Variants in NRXN3 observed in about 807,000 individuals in gnomAD.
NRXN3 encodes the protein neurexin III.
Under a neutral mutation model 137.6 loss-of-function variants are expected in NRXN3, and 32 were observed. The observed-to-expected ratio is 0.23, with a 90% CI of 0.18 to 0.31. The LOEUF (loss-of-function observed/expected upper bound fraction) is 0.31, where lower values mean the gene tolerates loss of function less well. Ranked by LOEUF, NRXN3 falls within the 10% of genes least tolerant of loss-of-function variation. NRXN3 has a pLI of 1.00. For missense variants in NRXN3, 1,574 were observed against 2,062.5 expected, an observed-to-expected ratio of 0.76 and a Z score of 4.59; for synonymous variants, 798 against 784.5, an observed-to-expected ratio of 1.02 and a Z score of -0.29.
chr14:79,651,614 T>G (rs1484373982), intron 16 of NRXN3, among the ~76,000 whole-genome samples: 2 of 152,068 alleles, frequency 1.3e-5, no homozygotes, highest in Non-Finnish European at 2.9e-5. Flanking sequence ...GAATAGATAA[T>G]GGAGAGATTG....
chr14:78,752,417 A>G (rs2098647419), intron 8 of NRXN3, among the ~76,000 whole-genome samples: 1 of 152,182 alleles, frequency 6.6e-6, no homozygotes, highest in African/African-American at 2.4e-5. Flanking sequence ...TCTGTCTTTT[A>G]AAAAAGTATT....
chr14:79,712,068 A>C (rs572312943), intron 19 of NRXN3, among the ~76,000 whole-genome samples: 1 of 152,346 alleles, frequency 6.6e-6, no homozygotes, highest in Admixed American at 6.5e-5. Flanking sequence ...GCAGCTGAAG[A>C]TAGATAGATA....
At chr14:79,549,269 C>T (rs754185393) in intron 16 of NRXN3, among the ~76,000 whole-genome samples, 4 of 152,004 alleles carry the variant, frequency 2.6e-5, no homozygotes, top group East Asian at 1.9e-4. Context: ...CAAAGAGAGA[C>T]GGCTTTGATG....
chr14:78,183,074 T>A (rs2059951889), intron 1 of NRXN3, among the ~76,000 whole-genome samples: 1 of 152,124 alleles, frequency 6.6e-6, no homozygotes, highest in Non-Finnish European at 1.5e-5. Flanking sequence ...TGGCCTCTTG[T>A]TCTGGGCCTG....
At chr14:79,443,898 G>T (rs2096010487) in intron 15 of NRXN3, among the ~76,000 whole-genome samples, 1 of 152,152 alleles carries the variant, frequency 6.6e-6, no homozygotes, top group African/African-American at 2.4e-5. Context: ...GAAGTGAAAA[G>T]GATTAACATA....
chr14:79,133,385 C>T (rs546770946), intron 15 of NRXN3, among the ~76,000 whole-genome samples: 1 of 152,060 alleles, frequency 6.6e-6, no homozygotes, highest in African/African-American at 2.4e-5. Context: ...TTGAGCCCAG[C>T]CGTAATTGGA....
intron 1 of NRXN3, among the ~76,000 whole-genome samples, chr14:78,186,950 A>G (rs370087061): frequency 6.6e-6 from 1 of 152,210 alleles, no homozygotes; most frequent in African/African-American, 2.4e-5. Flanking sequence ...TGGCTTTTAA[A>G]TTTCAGAAAA....
intron 4 of NRXN3, among the ~76,000 whole-genome samples, chr14:78,351,999 A>G (rs1013349434): frequency 3.3e-5 from 5 of 151,494 alleles, no homozygotes; most frequent in African/African-American, 1.2e-4. Context: ...AGGCAGGATA[A>G]TTGGTTGAAT....
At chr14:79,162,605 C>T (rs982941096) in intron 15 of NRXN3, among the ~76,000 whole-genome samples, 1 of 151,740 alleles carries the variant, frequency 6.6e-6, no homozygotes, top group Non-Finnish European at 1.5e-5. Context: ...AAAATGCTCA[C>T]CATCACTGGC....
At chr14:78,783,819 C>G (rs562976774) in intron 8 of NRXN3, among the ~76,000 whole-genome samples, 4 of 152,066 alleles carry the variant, frequency 2.6e-5, no homozygotes, top group Admixed American at 6.5e-5. Context: ...AATGTATGTA[C>G]CAGATAGAAG....
At chr14:78,512,952 C>T (rs1599704602) in intron 4 of NRXN3, among the ~76,000 whole-genome samples, 1 of 152,298 alleles carries the variant, frequency 6.6e-6, no homozygotes, top group East Asian at 1.9e-4. Context: ...AGTCCTGCCC[C>T]AGGCTTAGAG....
intron 2 of NRXN3, among the ~76,000 whole-genome samples, chr14:78,264,249 C>G (rs1442870257): frequency 2.6e-5 from 4 of 152,118 alleles, no homozygotes; most frequent in African/African-American, 9.7e-5. Flanking sequence ...GACGTTGTGC[C>G]TTCCTCCTTC....
At chr14:78,753,439 G>A (rs2098652659) in intron 8 of NRXN3, among the ~76,000 whole-genome samples, 1 of 152,186 alleles carries the variant, frequency 6.6e-6, no homozygotes, top group Admixed American at 6.5e-5. Flanking sequence ...TTAAGCTGGT[G>A]TCACCTTTAC....
chr14:78,835,452 A>G (rs1296827431), intron 10 of NRXN3, among the ~76,000 whole-genome samples: 4 of 152,094 alleles, frequency 2.6e-5, no homozygotes, highest in Non-Finnish European at 4.4e-5. Context: ...CATGAGATTT[A>G]TTATCAGAGG....
At chr14:79,365,737 A>AG (rs1399751626) in intron 15 of NRXN3, among the ~76,000 whole-genome samples, 2 of 143,736 alleles carry the variant, frequency 1.4e-5, no homozygotes, top group Admixed American at 7.0e-5. Flanking sequence ...AAAAAAAAAA[A>AG]AAAAAAAGAA....
intron 19 of NRXN3, among the ~76,000 whole-genome samples, chr14:79,787,214 C>T (rs1399107693): frequency 2.0e-5 from 3 of 152,090 alleles, no homozygotes. Context: ...GTCTTGAAAG[C>T]AAATGTACTC....
At chr14:78,677,203 C>T (rs1388947197) in intron 6 of NRXN3, among the ~76,000 whole-genome samples, 1 of 152,014 alleles carries the variant, frequency 6.6e-6, no homozygotes, top group African/African-American at 2.4e-5. Flanking sequence ...TGATGGATCA[C>T]AAAGCCTTTT....
chr14:78,703,007 G>A (rs1409504556), intron 6 of NRXN3, among the ~76,000 whole-genome samples: 1 of 152,060 alleles, frequency 6.6e-6, no homozygotes, highest in Non-Finnish European at 1.5e-5. Flanking sequence ...TAACACAGTT[G>A]GTAAGGTGTC....
chr14:78,375,900 C>T (rs1597949998), intron 4 of NRXN3, among the ~76,000 whole-genome samples: 2 of 152,178 alleles, frequency 1.3e-5, no homozygotes, highest in Middle Eastern at 6.8e-3. Flanking sequence ...TTCCCCTTCT[C>T]ATGACTCCCA....
Sources: gnomAD v4.1 joint callset for allele counts (sites outside exome capture counted in the v4.1 genomes callset) on GRCh38, gnomAD v4.1.1 for gene constraint, MANE v1.5 for transcripts, NCBI Gene and HGNC (gene_info 2026-07-23, HGNC 2026-07-21) for gene names.